EYA4: variants seen among roughly 807,000 people sequenced by gnomAD.
EYA4 encodes the protein EYA transcriptional coactivator and phosphatase 4.
EYA4 carries 31 observed loss-of-function variants against 87.9 expected under a neutral mutation model. That is an observed-to-expected ratio of 0.35 (90% confidence interval 0.27 to 0.48). The LOEUF is 0.48. Among genes scored for constraint, EYA4 ranks in the 20% least tolerant of loss-of-function variants. The pLI is 0.99. For synonymous variants in EYA4, 263 were observed against 270.6 expected, an observed-to-expected ratio of 0.97 and a Z score of 0.28; for missense variants, 678 against 761.4, an observed-to-expected ratio of 0.89 and a Z score of 1.29.
intron 3 of EYA4, among the ~76,000 whole-genome samples, chr6:133,399,175 A>G (rs1322446798): frequency 6.6e-6 from 1 of 152,206 alleles, no homozygotes; most frequent in Non-Finnish European, 1.5e-5. Flanking sequence ...TAATTTATAC[A>G]TACATAATTT....
At position 133,340,123 on chromosome 6, in the gene EYA4, G is replaced by A. The variant is rs573734165; in HGVS notation, c.34-42269G>A. Among the ~76,000 whole-genome samples, 12 of 152,254 alleles carry A rather than the reference G, an allele frequency of 7.9e-5. 1 individual carries two copies. Among genetic ancestry groups the A allele is most frequent in the African/African-American group, 2.9e-4 (12 of 41,554 alleles). On this transcript the variant is annotated intron_variant, in intron 2 of 19. Transcript: ENST00000355286. ...AGAAGTAATCATATCCATTACAGGGGTTAAAACGAAATTGTCTCTAATGTT... is the reference window on the plus strand; with the variant it reads ...AGAAGTAATCATATCCATTACAGGGATTAAAACGAAATTGTCTCTAATGTT...
chr6:133,506,086 T>C lies in EYA4; in HGVS notation c.1192-20T>C. On this transcript the variant is annotated intron_variant, in intron 13 of 19. Transcript: ENST00000355286. ...CGCTTACTGAAATTTTACCTCATTA[T>C]GTGTACATTTTCTTTACAGGATCCC... The C allele has an allele frequency of 6.9e-7, 1 of 1,438,988 alleles. No individual in the cohort carries two copies. The highest frequency in any genetic ancestry group is 9.8e-7 in the Non-Finnish European group (1 of 1,020,278). The allele number at this position is 1,438,988 out of a possible 1,614,324, so 89.1% of individuals were successfully genotyped here. A position where few individuals can be genotyped will look rare whatever the true frequency, so the allele number is the denominator to read the frequency against.
chr6:133,417,261 T>A (rs561852411), intron 3 of EYA4, among the ~76,000 whole-genome samples: 96 of 152,294 alleles, frequency 6.3e-4, no homozygotes, highest in African/African-American at 2.2e-3. Flanking sequence ...AGACGTTAAC[T>A]TCTTGGGTCA....
chr6:133,350,582 G>A (rs1336849622), intron 2 of EYA4, among the ~76,000 whole-genome samples: 1 of 152,030 alleles, frequency 6.6e-6, no homozygotes, highest in Non-Finnish European at 1.5e-5. Context: ...ATGGAGAACA[G>A]CAAACTGGAC....
At chr6:133,326,088 A>T (rs1297336282) in intron 2 of EYA4, among the ~76,000 whole-genome samples, 2 of 152,168 alleles carry the variant, frequency 1.3e-5, no homozygotes, top group Non-Finnish European at 2.9e-5. Context: ...ATTTGGGAAG[A>T]TGTGTGTCAC....
At chr6:133,386,040 T>G (rs772307623) in intron 3 of EYA4, among the ~76,000 whole-genome samples, 26 of 152,174 alleles carry the variant, frequency 1.7e-4, no homozygotes, top group Non-Finnish European at 2.8e-4. Context: ...TCCTTAAATG[T>G]TTTTCTTTTT....
intron 2 of EYA4, among the ~76,000 whole-genome samples, chr6:133,381,751 A>T (rs1416692689): frequency 6.6e-6 from 1 of 152,196 alleles, no homozygotes; most frequent in Admixed American, 6.5e-5. Context: ...CCATCTTTAG[A>T]GGATGTACCA....
At chr6:133,335,716 G>A (rs1208060439) in intron 2 of EYA4, among the ~76,000 whole-genome samples, 2 of 152,130 alleles carry the variant, frequency 1.3e-5, no homozygotes, top group Non-Finnish European at 2.9e-5. Flanking sequence ...TAGCGGGAGG[G>A]AGCATGGTGC....
At chr6:133,522,133 A>G (rs1301870747) in intron 17 of EYA4, among the ~76,000 whole-genome samples, 1 of 149,264 alleles carries the variant, frequency 6.7e-6, no homozygotes, top group Non-Finnish European at 1.5e-5. Context: ...AAAAAAAGGA[A>G]AAAAAAAAAT....
chr6:133,462,243 T>G (rs1395332045), intron 7 of EYA4, 92 bp from the exon 8 acceptor site: 6 of 1,335,958 alleles, frequency 4.5e-6, no homozygotes, highest in Non-Finnish European at 6.5e-6. Flanking sequence ...GAGGATTACT[T>G]CCTGGATATT....
chr6:133,269,144 A>G (rs980198826), intron 1 of EYA4, among the ~76,000 whole-genome samples: 1 of 152,136 alleles, frequency 6.6e-6, no homozygotes, highest in Non-Finnish European at 1.5e-5. Flanking sequence ...CTGTAGTCCC[A>G]GCTACTTGGG....
intron 2 of EYA4, among the ~76,000 whole-genome samples, chr6:133,368,940 T>C (rs1785061323): frequency 6.6e-6 from 1 of 152,220 alleles, no homozygotes; most frequent in Non-Finnish European, 1.5e-5. Context: ...AGTAAATACT[T>C]GTGCTACAAA....
rs376155411 is a variant in EYA4, at chr6:133,393,718, T to C, written c.83+11277T>C. Among the ~76,000 whole-genome samples the C allele has an allele frequency of 1.3e-4, 20 of 152,314 alleles. No individual in the cohort carries two copies. In the South Asian group the frequency reaches 4.1e-3, roughly 32 times the overall value. ...ATTTACTTGTAATTTCAATAAACCA[T>C]TTTCAAATAAATGTCTTGGACTAAT... On this transcript the variant is annotated intron_variant, in intron 3 of 19. Coordinates refer to ENST00000355286, the MANE Select transcript of EYA4 (RefSeq NM_004100.5).
intron 11 of EYA4, among the ~76,000 whole-genome samples, chr6:133,476,069 C>A (rs1200590813): frequency 6.6e-6 from 1 of 151,988 alleles, no homozygotes; most frequent in Non-Finnish European, 1.5e-5. Context: ...TGATGGGCAC[C>A]CGTAATCTCA....
intron 2 of EYA4, among the ~76,000 whole-genome samples, chr6:133,333,199 A>C (rs879729747): frequency 6.6e-5 from 10 of 152,222 alleles, no homozygotes; most frequent in Non-Finnish European, 1.3e-4. Context: ...TGAGAAGGCA[A>C]GGATCATGCT....
intron 2 of EYA4, among the ~76,000 whole-genome samples, chr6:133,316,108 C>T (rs1780600186): frequency 6.6e-6 from 1 of 152,096 alleles, no homozygotes; most frequent in African/African-American, 2.4e-5. Flanking sequence ...GATACGTATG[C>T]TGGTCAAGAG....
At chr6:133,390,895 G>A (rs1787207035) in intron 3 of EYA4, among the ~76,000 whole-genome samples, 1 of 152,118 alleles carries the variant, frequency 6.6e-6, no homozygotes, top group African/African-American at 2.4e-5. Context: ...TAGAAGATTG[G>A]GGGGCTATAG....
chr6:133,430,334 A>G (rs1180044331), intron 3 of EYA4, among the ~76,000 whole-genome samples: 1 of 152,204 alleles, frequency 6.6e-6, no homozygotes, highest in Non-Finnish European at 1.5e-5. Context: ...TTTGGGGGAA[A>G]CAGAAAATAA....
intron 12 of EYA4, among the ~76,000 whole-genome samples, chr6:133,481,988 G>A (rs1277102699): frequency 6.6e-6 from 1 of 152,154 alleles, no homozygotes; most frequent in Non-Finnish European, 1.5e-5. Flanking sequence ...TTAAAAAGAT[G>A]AAAGTAATTT....
Sources: gnomAD v4.1 joint callset for allele counts (sites outside exome capture counted in the v4.1 genomes callset) on GRCh38, gnomAD v4.1.1 for gene constraint, MANE v1.5 for transcripts, NCBI Gene and HGNC (gene_info 2026-07-23, HGNC 2026-07-21) for gene names.